CANX: variants seen among roughly 807,000 people sequenced by gnomAD.
CANX encodes epididymis secretory sperm binding protein.
A neutral mutation model predicts 75.7 loss-of-function variants in CANX; 14 were observed. The observed-to-expected ratio is 0.19, with a 90% confidence interval of 0.12 to 0.29. The LOEUF (loss-of-function observed/expected upper bound fraction) is 0.29. Among genes scored for constraint, CANX ranks in the 10% least tolerant of loss-of-function variants. The probability of loss-of-function intolerance (pLI) is 1.00; values close to 1 mark genes in which losing one functional copy is unlikely to be tolerated. For missense variants in CANX, 567 were observed against 713.2 expected, an observed-to-expected ratio of 0.79 and a Z score of 2.34; for synonymous variants, 227 against 236.9, an observed-to-expected ratio of 0.96 and a Z score of 0.38.
At position 179,709,649 on chromosome 5, in the gene CANX, C is replaced by CTA. The variant is rs534672651; in HGVS notation, c.529-223_529-222dup. On this transcript the variant is annotated intron_variant, in intron 6 of 14. Transcript: ENST00000247461. ...TGTTTTATGAGGAAGCAATAACTGT[C>CTA]TAGATGTGTGCATTACTTTTTTTTA... is the stretch of plus-strand genomic sequence containing the variant. The CTA allele has an allele frequency of 1.4e-3, 536 of 388,726 alleles. 11 individuals are homozygous for CTA. In the South Asian group the frequency reaches 0.025, roughly 18 times the overall value. 24.1% of individuals were successfully genotyped at this position (388,726 alleles called of 1,614,324 possible).
intron 1 of CANX, among the ~76,000 whole-genome samples, chr5:179,680,448 G>C (rs1195704002): frequency 6.6e-6 from 1 of 152,132 alleles, no homozygotes; most frequent in Non-Finnish European, 1.5e-5. Flanking sequence ...GCCTCTGCCT[G>C]CCCTCAAGGT....
upstream of CANX, among the ~76,000 whole-genome samples, chr5:179,694,008 G>T (rs1430423861): frequency 1.3e-5 from 2 of 151,950 alleles, no homozygotes; most frequent in Non-Finnish European, 2.9e-5. Context: ...GCCGGGCGTG[G>T]TGGCTTATGC....
Position 179,731,131 on chromosome 5 carries a change from T to C in CANX, c.*2487T>C, listed in dbSNP as rs1424316552. 1.3e-5 allele frequency among the ~76,000 whole-genome samples: 2 copies of C among 152,184 alleles called. No individual in the cohort carries two copies. The highest frequency in any genetic ancestry group is 4.8e-5 in the African/African-American group (2 of 41,452). ...TCTAGCCCTTGCCTCTTCCTGCCCA[T>C]GTGATTGCGGTGCAGTAGTTTCTGT... On this transcript the variant is annotated 3_prime_UTR_variant, in exon 15 of 15. Transcript: ENST00000247461.
At chr5:179,717,439 A>G (rs556743285) in intron 8 of CANX, among the ~76,000 whole-genome samples, 1 of 152,310 alleles carries the variant, frequency 6.6e-6, no homozygotes, top group South Asian at 2.1e-4. Context: ...TCCACTTTGT[A>G]TATTTCATAT....
At chr5:179,706,731 AC>A (rs1777165844) in intron 3 of CANX, among the ~76,000 whole-genome samples, 1 of 152,186 alleles carries the variant, frequency 6.6e-6, no homozygotes, top group Non-Finnish European at 1.5e-5. Flanking sequence ...TGTTGGCATT[AC>A]AGGCATGAGC....
Position 179,730,737 on chromosome 5 carries a change from G to C in CANX, c.*2093G>C, listed in dbSNP as rs1281921796. ...TGTCTGACACATTAATGAATGACCAGCAGCAGCTTTCAGCTCTTAAAAAGA... is the reference window on the plus strand; with the variant it reads ...TGTCTGACACATTAATGAATGACCACCAGCAGCTTTCAGCTCTTAAAAAGA... On this transcript the variant is annotated 3_prime_UTR_variant, in exon 15 of 15. Coordinates refer to ENST00000247461, the MANE Select transcript of CANX (RefSeq NM_001746.4). 6 of 152,220 alleles carry C rather than the reference G, an allele frequency of 3.9e-5. No individual in the cohort carries two copies. 9.4% of individuals were successfully genotyped at this position (152,220 alleles called of 1,614,324 possible).
chr5:179,727,175 G>T (rs1778720822), intron 14 of CANX, among the ~76,000 whole-genome samples: 1 of 152,148 alleles, frequency 6.6e-6, no homozygotes, highest in Admixed American at 6.6e-5. Context: ...CATTTGTTGA[G>T]TGCCCATTTT....
chr5:179,681,368 T>G (rs1776060389), intron 1 of CANX, among the ~76,000 whole-genome samples: 1 of 152,156 alleles, frequency 6.6e-6, no homozygotes, highest in Non-Finnish European at 1.5e-5. Context: ...TGGGTCAGGT[T>G]CCCTAGAAGC....
chr5:179,698,384 G>A (rs1199075098), upstream of CANX: 28 of 1,215,388 alleles, frequency 2.3e-5, no homozygotes, highest in Non-Finnish European at 2.2e-5. Context: ...TGACTCTGCA[G>A]GAACTGCGGC....
In CANX at chr5:179,699,043, G is replaced by C. The variant is rs1259982166; in HGVS notation, c.-63G>C. Reference sequence around the variant, plus strand: ...CCGCCTCTCTCTTTACTGCGGCGCGGGGCAAGGTGTGCGGGCGGGAAGGGG... The same window carrying C: ...CCGCCTCTCTCTTTACTGCGGCGCGCGGCAAGGTGTGCGGGCGGGAAGGGG... On this transcript the variant is annotated 5_prime_UTR_variant, in exon 1 of 15. Transcript: ENST00000247461. 9.0e-7 allele frequency: 1 copy of C among 1,111,996 alleles called. No individual in the cohort carries two copies. The highest frequency in any genetic ancestry group is 1.1e-6 in the Non-Finnish European group (1 of 903,840). The allele number at this position is 1,111,996 out of a possible 1,614,324, so 68.9% of individuals were successfully genotyped here. A position where few individuals can be genotyped will look rare whatever the true frequency, so the allele number is the denominator to read the frequency against.
intron 13 of CANX, among the ~76,000 whole-genome samples, chr5:179,725,209 T>G (rs1394621663): frequency 6.6e-6 from 1 of 151,936 alleles, no homozygotes; most frequent in Non-Finnish European, 1.5e-5. Context: ...GTTTGTTTGT[T>G]TATTGATTTA....
upstream of CANX, among the ~76,000 whole-genome samples, chr5:179,697,078 G>T (rs553402491): frequency 6.6e-6 from 1 of 152,258 alleles, no homozygotes; most frequent in African/African-American, 2.4e-5. Flanking sequence ...TTTATTTAGA[G>T]ACGGGTTCTC....
At chr5:179,714,980 G>T (rs1217589815) in intron 7 of CANX, among the ~76,000 whole-genome samples, 1 of 151,670 alleles carries the variant, frequency 6.6e-6, no homozygotes, top group African/African-American at 2.4e-5. Context: ...GGCCAGGCTG[G>T]TCTCGAACTC....
intron 7 of CANX, among the ~76,000 whole-genome samples, chr5:179,715,024 C>T (rs1777836484): frequency 6.6e-6 from 1 of 152,174 alleles, no homozygotes; most frequent in Admixed American, 6.5e-5. Context: ...GTTAGCCTCC[C>T]AAAGTGCTGG....
chr5:179,720,328 C>T, intron 9 of CANX, 76 bp from the exon 10 acceptor site: 1 of 1,118,662 alleles, frequency 8.9e-7, no homozygotes, highest in Non-Finnish European at 1.3e-6. Context: ...AGGATCTTGG[C>T]AGCCCTGGGC....
rs1220343895 is a variant in CANX at position 179,705,829 on chromosome 5, A to T, written c.148A>T (p.Thr50Ser). ...EEVEDSKPDT[T>S]APPSSPKVTY... ...GGTAGAAGACTCAAAACCAGATACC[A>T]CTGCTCCTCCTTCATCTCCCAAGGT... The change falls in exon 2 of 15, where the codon ACT becomes TCT. Residue 50 changes from threonine to serine, a missense_variant. Thr to Ser is a moderately conservative substitution (Grantham distance 58). This residue lies in a region of CANX where 351 missense variants were observed against 433.8 expected (regional missense o/e 0.81). Transcript: ENST00000247461. 1 of 1,613,628 alleles carries T rather than the reference A, an allele frequency of 6.2e-7. No homozygotes were observed. The highest frequency in any genetic ancestry group is 1.3e-5 in the African/African-American group (1 of 74,922).
upstream of CANX, among the ~76,000 whole-genome samples, chr5:179,696,057 C>CTACAGGCTCAAGCCACTATA (rs1776395130): frequency 6.6e-6 from 1 of 151,930 alleles, no homozygotes; most frequent in Non-Finnish European, 1.5e-5. Flanking sequence ...GTAGCTGAGA[C>CTACAGGCTCAAGCCACTATA]TACAGGCTCA....
chr5:179,680,754 C>G (rs1337876135), intron 1 of CANX: 1 of 704,336 alleles, frequency 1.4e-6, no homozygotes, highest in Non-Finnish European at 2.4e-6. Context: ...AATTCCTCTT[C>G]TGCCCATGGG....
At chr5:179,714,520 T>TTA (rs1777794796) in intron 7 of CANX, among the ~76,000 whole-genome samples, 2 of 149,816 alleles carry the variant, frequency 1.3e-5, no homozygotes, top group South Asian at 4.1e-4. Context: ...TTTTATTTAT[T>TTA]TTTATTTTTT....
Sources: allele counts gnomAD v4.1 joint callset (sites outside exome capture counted in the v4.1 genomes callset), GRCh38; gene constraint gnomAD v4.1.1; regional missense constraint gnomAD v4.1.1; transcripts MANE v1.5; gene names NCBI Gene and HGNC (gene_info 2026-07-23, HGNC 2026-07-21).